CLCN7: variants seen among roughly 807,000 people sequenced by gnomAD.
CLCN7 encodes Cl-/H+ antiporter 7.
Under a neutral mutation model 102.1 loss-of-function variants are expected in CLCN7, and 60 were observed. The observed-to-expected ratio is 0.59, with a 90% CI of 0.48 to 0.73. The LOEUF (loss-of-function observed/expected upper bound fraction) is 0.73. Ranked by LOEUF, CLCN7 falls within the 30% of genes least tolerant of loss-of-function variation. CLCN7 has a pLI of 0.00. For missense variants in CLCN7, 962 were observed against 1,125.7 expected, an observed-to-expected ratio of 0.85 and a Z score of 2.08; for synonymous variants, 560 against 490.5, an observed-to-expected ratio of 1.14 and a Z score of -1.87.
rs368947478 is a variant in CLCN7 at position 1,454,480 on chromosome 16, G to A, written c.1099-15C>T. The A allele has an allele frequency of 5.6e-5, 91 of 1,612,854 alleles. No individual in the cohort carries two copies. Among genetic ancestry groups the A allele is most frequent in the Admixed American group, 4.2e-4 (25 of 60,024 alleles). On this transcript the variant is annotated splice_polypyrimidine_tract_variant and intron_variant, in intron 12 of 24. Coordinates refer to ENST00000382745, the MANE Select transcript of CLCN7 (RefSeq NM_001287.6). ...TAGGCCATTTTCTGTGCAGAGAGAG[G>A]GAGAAGGCAGAGGATGTGAGGGAAA...
rs1261015976 is a variant in CLCN7 at position 1,457,241 on chromosome 16, G to C, written c.822+13C>G. On this transcript the variant is annotated intron_variant, in intron 9 of 24. Coordinates refer to ENST00000382745, the MANE Select transcript of CLCN7 (RefSeq NM_001287.6). The surrounding 1 kb of genome is among the most constrained non-coding windows in gnomAD (Gnocchi z 5.4). ...TGGCATCTGGAGCCCACCCACACAA[G>C]ATTTCAACTCACCTTGAAATCTCGT... is the stretch of plus-strand genomic sequence containing the variant. 2 of 1,613,206 alleles carry C rather than the reference G, an allele frequency of 1.2e-6. No homozygotes were observed. Among genetic ancestry groups the C allele is most frequent in the Admixed American group, 1.7e-5 (1 of 60,030 alleles).
intron 9 of CLCN7, among the ~76,000 whole-genome samples, chr16:1,456,914 AAAAGTGTTCC>A (rs2038843797): frequency 6.6e-6 from 1 of 152,104 alleles, no homozygotes; most frequent in African/African-American, 2.4e-5. Flanking sequence ...TTTTTGGGGA[AAAAGTGTTCC>A]AAAGTGTGTC....
chr16:1,461,303 G>A, intron 4 of CLCN7, 102 bp downstream of exon 4: 7 of 1,009,894 alleles, frequency 6.9e-6, no homozygotes, highest in Non-Finnish European at 1.1e-5. Context: ...AGAGGAGGAG[G>A]GAGGAGGTGC....
chr16:1,469,790 C>A (rs2039051898), intron 1 of CLCN7, among the ~76,000 whole-genome samples: 1 of 152,250 alleles, frequency 6.6e-6, no homozygotes, highest in African/African-American at 2.4e-5. Context: ...GCACCGTTCA[C>A]AATGACCAAA....
chr16:1,455,292 TC>T, intron 11 of CLCN7, 42 bp from the exon 12 acceptor site: 1 of 1,275,908 alleles, frequency 7.8e-7, no homozygotes, highest in Non-Finnish European at 1.1e-6. Flanking sequence ...AGAGCCACGC[TC>T]CCAGCCCAGG....
chr16:1,449,215 G>A, intron 18 of CLCN7, 61 bp downstream of exon 18: 1 of 1,569,088 alleles, frequency 6.4e-7, no homozygotes, highest in Admixed American at 1.9e-5. Context: ...CGCAAGGACA[G>A]CCATGGCCCC....
At chr16:1,456,274 A>G in intron 9 of CLCN7, 68 bp from the exon 10 acceptor site, 1 of 1,170,406 alleles carries the variant, frequency 8.5e-7, no homozygotes, top group South Asian at 1.3e-5. Flanking sequence ...AGGGAGAGCA[A>G]CTGCCAGGAC....
At position 1,461,633 on chromosome 16, in the gene CLCN7, GTGT is replaced by G; in HGVS notation, c.252_254del (p.His85del). On this transcript the variant is annotated inframe_deletion, in exon 3 of 25. Transcript: ENST00000382745. ...ACTTGAGGGACAGGAGCTTCTCGTT[GTGT>G]GGGATCTCCTTGGGGAAGGGATGTG... is the stretch of plus-strand genomic sequence containing the variant. 6.2e-7 allele frequency: 1 copy of G among 1,614,174 alleles called. No individual in the cohort carries two copies. The highest frequency in any genetic ancestry group is 1.1e-5 in the South Asian group (1 of 91,070).
rs753799531 is a variant in CLCN7 at position 1,447,708 on chromosome 16, G to A, written c.2020C>T (p.Arg674Trp). The change falls in exon 22 of 25, where the codon CGG becomes TGG. Residue 674 changes from arginine to tryptophan, a missense_variant. By Grantham distance (101) the Arg-to-Trp change is moderately radical (BLOSUM62 -3). Coordinates refer to ENST00000382745, the MANE Select transcript of CLCN7 (RefSeq NM_001287.6). ...GAGCGCAGGATCAGGCCCTGGAGCC[G>A]GGCAGGCTGCAAGACAGGCCCGCGG... Reference protein sequence around the residue: ...VEHADDTQPARLQGLILRSQL... With the variant: ...VEHADDTQPAWLQGLILRSQL... 1.5e-5 allele frequency: 24 copies of A among 1,553,566 alleles called. No homozygotes were observed. Among genetic ancestry groups the A allele is most frequent in the Middle Eastern group, 1.7e-4 (1 of 6,006 alleles).
At chr16:1,465,399 C>G in intron 1 of CLCN7, 61 bp from the exon 2 acceptor site, 7 of 1,460,912 alleles carry the variant, frequency 4.8e-6, no homozygotes, top group Non-Finnish European at 6.6e-6. Flanking sequence ...TCCGTGGATT[C>G]TCACTCCCGC....
chr16:1,456,243 T>C, intron 9 of CLCN7, 37 bp from the exon 10 acceptor site: 1 of 1,487,062 alleles, frequency 6.7e-7, no homozygotes, highest in Non-Finnish European at 9.2e-7. Context: ...GGCAGGTTCC[T>C]TGAGGGCACG....
At position 1,446,274 on chromosome 16, in the gene CLCN7, A is replaced by T. The variant is rs1465334179; in HGVS notation, c.*357T>A. 2 of 693,402 alleles carry T rather than the reference A, an allele frequency of 2.9e-6. No individual in the cohort carries two copies. Among genetic ancestry groups the T allele is most frequent in the Admixed American group, 2.0e-5 (1 of 49,396 alleles). 43.0% of individuals were successfully genotyped at this position (693,402 alleles called of 1,614,324 possible). A position where few individuals can be genotyped will look rare whatever the true frequency, so the allele number is the denominator to read the frequency against. On this transcript the variant is annotated 3_prime_UTR_variant, in exon 25 of 25. Transcript: ENST00000382745. ...GCAGCAGGGGCAAGGGCTCTGTCTCACGCACACGGGCACAGGCACGCAGGT... is the reference window on the plus strand; with the variant it reads ...GCAGCAGGGGCAAGGGCTCTGTCTCTCGCACACGGGCACAGGCACGCAGGT...
chr16:1,455,496 G>A (rs1361364629), intron 11 of CLCN7: 2 of 653,484 alleles, frequency 3.1e-6, no homozygotes, highest in Admixed American at 2.2e-5. Flanking sequence ...TGGGTTCCCG[G>A]CTGTTTGATC....
intron 9 of CLCN7, among the ~76,000 whole-genome samples, chr16:1,456,958 C>A (rs982863283): frequency 2.6e-5 from 4 of 152,088 alleles, no homozygotes; most frequent in African/African-American, 9.7e-5. Context: ...AACAGGTGGG[C>A]ACACTTGGTC....
chr16:1,449,494 C>T lies in CLCN7; in HGVS notation c.1618-167G>A, dbSNP rs116698153. ...CAACCTAGCACAGTACACCCTGCTG[C>T]GGAGGCTGCATCCTTGGCCTGAACC... On this transcript the variant is annotated intron_variant, in intron 17 of 24. Coordinates refer to ENST00000382745, the MANE Select transcript of CLCN7 (RefSeq NM_001287.6). 2.3e-3 allele frequency: 1,487 copies of T among 654,418 alleles called. 20 individuals are homozygous for T. In the African/African-American group the frequency reaches 0.024, roughly 10 times the overall value. 40.5% of individuals were successfully genotyped at this position (654,418 alleles called of 1,614,324 possible).
intron 17 of CLCN7, chr16:1,450,291 A>G (rs567306627): frequency 2.9e-5 from 16 of 549,988 alleles, no homozygotes; most frequent in African/African-American, 2.0e-4. Context: ...GACTCCACAC[A>G]TGGGCTGCGC....
Position 1,458,048 on chromosome 16 carries a change from G to A in CLCN7, c.676-292C>T, listed in dbSNP as rs192906284. On this transcript the variant is annotated intron_variant, in intron 7 of 24. Transcript: ENST00000382745. ...CTGAGGCAAAGCTGGGCCGCCCACC[G>A]CATCCTACAGGCACACCTGCCTCCG... 1.1e-3 allele frequency among the ~76,000 whole-genome samples: 128 copies of A among 118,190 alleles called. 1 individual carries two copies. The highest frequency in any genetic ancestry group is 4.4e-3 in the African/African-American group (122 of 27,490). The allele number at this position is 118,190 out of a possible 152,430, so 77.5% of individuals were successfully genotyped here.
chr16:1,462,186 G>A (rs1274846652), intron 2 of CLCN7, among the ~76,000 whole-genome samples: 1 of 151,542 alleles, frequency 6.6e-6, no homozygotes, highest in Non-Finnish European at 1.5e-5. Context: ...GCAATGCCAG[G>A]AGCAAGGTGA....
intron 9 of CLCN7, among the ~76,000 whole-genome samples, chr16:1,456,699 G>C (rs1352299814): frequency 6.6e-6 from 1 of 152,098 alleles, no homozygotes; most frequent in Non-Finnish European, 1.5e-5. Flanking sequence ...AACTTAGCCA[G>C]GCGTGGTGGC....
Sources: gnomAD v4.1 joint callset for allele counts (sites outside exome capture counted in the v4.1 genomes callset) on GRCh38, gnomAD v4.1.1 for gene constraint, Gnocchi (gnomAD v3.1) non-coding constraint, MANE v1.5 for transcripts, NCBI Gene and HGNC (gene_info 2026-07-23, HGNC 2026-07-21) for gene names.